ZFAT: variants seen among roughly 807,000 people sequenced by gnomAD.
ZFAT encodes the protein zinc finger protein ZFAT.
Under a neutral mutation model 117.7 loss-of-function variants are expected in ZFAT, and 64 were observed. That is an observed-to-expected ratio of 0.54 (90% CI 0.44 to 0.67). The LOEUF is 0.67. Ranked by LOEUF, ZFAT falls within the 30% of genes least tolerant of loss-of-function variation. The pLI, the probability that ZFAT is intolerant of heterozygous loss-of-function variation, is 0.00. For synonymous variants in ZFAT, 679 were observed against 615.0 expected (o/e 1.10, Z -1.54); for missense variants, 1,433 against 1,584.5 (o/e 0.90, Z 1.62).
chr8:134,579,437 T>G lies in ZFAT; in HGVS notation c.2887+4395A>C, dbSNP rs1825560553. 3.3e-5 allele frequency among the ~76,000 whole-genome samples: 5 copies of G among 152,080 alleles called. No individual in the cohort carries two copies. The South Asian group carries it at 1.0e-3, about 32-fold the overall frequency. ...GAGCCAAGAGAAAGGGGAAACCCCT[T>G]ATAAAACCATCAGATCTCGTGAGAC... On this transcript the variant is annotated intron_variant, in intron 10 of 15. Coordinates refer to ENST00000377838, the MANE Select transcript of ZFAT (RefSeq NM_020863.4).
chr8:134,813,454 C>CA, the ZFAT span, among the ~76,000 whole-genome samples: 3 of 152,210 alleles, frequency 2.0e-5, no homozygotes, highest in Non-Finnish European at 4.4e-5. Context: ...ACTGTTGTTG[C>CA]CTAGGCTGCA....
chr8:134,725,623 C>A, the ZFAT span, among the ~76,000 whole-genome samples: 2 of 152,074 alleles, frequency 1.3e-5, no homozygotes, highest in African/African-American at 4.8e-5. Flanking sequence ...GTCCCACCCT[C>A]AACACTGGCG....
chr8:134,625,400 T>C (rs1473319691), intron 3 of ZFAT, among the ~76,000 whole-genome samples: 2 of 152,212 alleles, frequency 1.3e-5, no homozygotes, highest in African/African-American at 4.8e-5. Flanking sequence ...TTCCATCTCC[T>C]TCTCCACCTT....
At chr8:134,580,355 C>T (rs1028589222) in intron 10 of ZFAT, among the ~76,000 whole-genome samples, 1 of 152,212 alleles carries the variant, frequency 6.6e-6, no homozygotes, top group African/African-American at 2.4e-5. Flanking sequence ...GTAAGGCAAT[C>T]TTGGCTTCTA....
rs528825630 is a variant in ZFAT at position 134,535,969 on chromosome 8, C to T, written c.2977-2997G>A. 5.3e-5 allele frequency among the ~76,000 whole-genome samples: 8 copies of T among 152,028 alleles called. 1 individual carries two copies. The South Asian group carries it at 8.3e-4, about 16-fold the overall frequency. On this transcript the variant is annotated intron_variant, in intron 11 of 15. Transcript: ENST00000377838. ...GCATAAAAGGCAGGAAGAAAAAGGG[C>T]GATGAAAATAAGAAATGGTCCTGCA... is the stretch of plus-strand genomic sequence containing the variant.
the ZFAT span, among the ~76,000 whole-genome samples, chr8:134,790,078 AATTTTT>A: frequency 1.3e-5 from 2 of 152,198 alleles, no homozygotes; most frequent in Non-Finnish European, 2.9e-5. Flanking sequence ...AAATGGTAGA[AATTTTT>A]ATTAGTGACC....
At chr8:134,667,904 C>T (rs544749024) in intron 1 of ZFAT, among the ~76,000 whole-genome samples, 11 of 152,168 alleles carry the variant, frequency 7.2e-5, no homozygotes, top group Non-Finnish European at 1.6e-4. Flanking sequence ...GGGTCACTCC[C>T]ACCCTAATAC....
chr8:134,751,491 G>A, the ZFAT span, among the ~76,000 whole-genome samples: 1 of 152,290 alleles, frequency 6.6e-6, no homozygotes, highest in South Asian at 2.1e-4. Flanking sequence ...ATGAACTTGT[G>A]ACCAACACTG....
intron 11 of ZFAT, among the ~76,000 whole-genome samples, chr8:134,541,299 T>C (rs983784511): frequency 6.6e-6 from 1 of 152,284 alleles, no homozygotes; most frequent in East Asian, 1.9e-4. Context: ...TGGGTTGTCA[T>C]GGGAGAGGAA....
the ZFAT span, chr8:134,794,489 CT>C: frequency 2.0e-5 from 3 of 152,192 alleles, no homozygotes; most frequent in Admixed American, 1.3e-4. Flanking sequence ...GTTTGTTTTA[CT>C]GTTCCAACAT....
At chr8:134,826,537 G>A in the ZFAT span, among the ~76,000 whole-genome samples, 1 of 152,086 alleles carries the variant, frequency 6.6e-6, no homozygotes, top group Admixed American at 6.5e-5. Context: ...CTATTTAAGA[G>A]CATGTTTTTC....
chr8:134,631,614 A>G (rs1425288997), intron 3 of ZFAT, among the ~76,000 whole-genome samples: 1 of 152,226 alleles, frequency 6.6e-6, no homozygotes, highest in Non-Finnish European at 1.5e-5. Context: ...TGACAAAATC[A>G]CACAGTTGGA....
chr8:134,753,752 G>T, the ZFAT span, among the ~76,000 whole-genome samples: 1 of 152,070 alleles, frequency 6.6e-6, no homozygotes, highest in Admixed American at 6.6e-5. Context: ...TTAAATTATA[G>T]CTATATAACA....
chr8:134,554,610 A>T (rs897321054), intron 11 of ZFAT, among the ~76,000 whole-genome samples: 1 of 152,186 alleles, frequency 6.6e-6, no homozygotes, highest in Non-Finnish European at 1.5e-5. Context: ...CACCAAGTGC[A>T]CTGCCAACTC....
At chr8:134,556,054 AGGAAGGAAGGAAGGAAGGAAG>A (rs1285523182) in intron 11 of ZFAT, among the ~76,000 whole-genome samples, 11 of 97,930 alleles carry the variant, frequency 1.1e-4, no homozygotes, top group Middle Eastern at 4.2e-3. Context: ...GAAGGAAGGA[AGGAAGGAAGGAAGGAAGGAAG>A]GGAAGGAAGG....
intron 1 of ZFAT, among the ~76,000 whole-genome samples, chr8:134,662,212 TCCATTCATGAAGG>T (rs1219535560): frequency 6.6e-6 from 1 of 152,066 alleles, no homozygotes; most frequent in African/African-American, 2.4e-5. Flanking sequence ...CAGCAATAAT[TCCATTCATGAAGG>T]CCCCACCCTC....
chr8:134,540,552 GCA>G (rs753839554), intron 11 of ZFAT, among the ~76,000 whole-genome samples: 1 of 152,130 alleles, frequency 6.6e-6, no homozygotes, highest in South Asian at 2.1e-4. Flanking sequence ...CAGCATGCAG[GCA>G]CAGAGTCCCT....
intron 11 of ZFAT, among the ~76,000 whole-genome samples, chr8:134,545,122 T>C (rs1419660930): frequency 6.6e-6 from 1 of 152,186 alleles, no homozygotes; most frequent in Non-Finnish European, 1.5e-5. Context: ...TTTCACACAA[T>C]GGTATATGTA....
chr8:134,700,010 T>C (rs1363720137), intron 1 of ZFAT, among the ~76,000 whole-genome samples: 1 of 152,176 alleles, frequency 6.6e-6, no homozygotes, highest in East Asian at 1.9e-4. Context: ...CCGACAGACT[T>C]TGAAAAGCTG....
Sources: allele counts gnomAD v4.1 joint callset (sites outside exome capture counted in the v4.1 genomes callset), GRCh38; gene constraint gnomAD v4.1.1; transcripts MANE v1.5; gene names NCBI Gene and HGNC (gene_info 2026-07-23, HGNC 2026-07-21).